SCEL: variants seen among roughly 807,000 people sequenced by gnomAD.
SCEL encodes the protein sciellin.
Under a neutral mutation model 117.6 loss-of-function variants are expected in SCEL, and 113 were observed. That is an observed-to-expected ratio of 0.96 (90% CI 0.83 to 1.12). The LOEUF is 1.12. Among genes scored for constraint, SCEL ranks in the 50% most tolerant of loss-of-function variants. The pLI, the probability that SCEL is intolerant of heterozygous loss-of-function variation, is 0.00. For missense variants in SCEL, 785 were observed against 810.8 expected, an observed-to-expected ratio of 0.97 and a Z score of 0.39; for synonymous variants, 270 against 256.2, an observed-to-expected ratio of 1.05 and a Z score of -0.51.
intron 11 of SCEL, 56 bp from the exon 12 acceptor site, chr13:77,593,458 T>G: frequency 7.5e-7 from 1 of 1,329,154 alleles, no homozygotes; most frequent in Non-Finnish European, 1.1e-6. Context: ...AAATTTTAGC[T>G]CCTTCAAAAA....
intron 24 of SCEL, among the ~76,000 whole-genome samples, chr13:77,616,047 GCTGT>G (rs1473681960): frequency 8.1e-6 from 1 of 123,584 alleles, no homozygotes; most frequent in Non-Finnish European, 1.8e-5. Flanking sequence ...TGTGTGTGTG[GCTGT>G]CTGTAAAAGA....
In SCEL at chr13:77,602,171, C is replaced by CT. The variant is rs761511603; in HGVS notation, c.977+53dup. The CT allele has an allele frequency of 8.6e-5, 128 of 1,485,484 alleles. No homozygotes were observed. In the African/African-American group the frequency reaches 1.6e-3, roughly 19 times the overall value. The allele number at this position is 1,485,484 out of a possible 1,614,324, so 92.0% of individuals were successfully genotyped here. ...ATGGAGCTCTTTTTATTCAGGTTAG[C>CT]TTTTTTACCTCATTAGGAATGGGAG... On this transcript the variant is annotated intron_variant, in intron 16 of 32. Coordinates refer to ENST00000349847, the MANE Select transcript of SCEL (RefSeq NM_144777.3).
In SCEL at chr13:77,618,068, AC is replaced by A; in HGVS notation, c.1628+10del. 1 of 1,603,512 alleles carries A rather than the reference AC, an allele frequency of 6.2e-7. No individual in the cohort carries two copies. Among genetic ancestry groups the A allele is most frequent in the Non-Finnish European group, 8.5e-7 (1 of 1,170,418 alleles). On this transcript the variant is annotated intron_variant, in intron 27 of 32. Transcript: ENST00000349847. ...TCTTAGAAACACTAATCGGTAAATGACCTTGACTATCTTGACATGTTTACAA... is the reference window on the plus strand; with the variant it reads ...TCTTAGAAACACTAATCGGTAAATGACTTGACTATCTTGACATGTTTACAA...
chr13:77,564,145 G>A (rs1456381083), intron 5 of SCEL, among the ~76,000 whole-genome samples: 1 of 149,744 alleles, frequency 6.7e-6, no homozygotes, highest in African/African-American at 2.5e-5. Context: ...ACTGATTTGA[G>A]TACAGCTAGG....
chr13:77,600,408 C>G (rs748463294), intron 15 of SCEL, among the ~76,000 whole-genome samples: 4 of 151,996 alleles, frequency 2.6e-5, no homozygotes, highest in African/African-American at 9.7e-5. Flanking sequence ...GGATTACATG[C>G]ATGAGCCACC....
chr13:77,618,527 T>G (rs1164793984), intron 27 of SCEL, among the ~76,000 whole-genome samples: 1 of 152,118 alleles, frequency 6.6e-6, no homozygotes, highest in Non-Finnish European at 1.5e-5. Flanking sequence ...CCTGCCTTTC[T>G]TTTGAAGGCT....
intron 30 of SCEL, among the ~76,000 whole-genome samples, chr13:77,637,409 A>C (rs1431596679): frequency 1.7e-5 from 1 of 59,574 alleles, no homozygotes; most frequent in African/African-American, 5.1e-5. Flanking sequence ...TACATATATA[A>C]ATAAATATAT....
At chr13:77,596,196 G>A (rs997572494) in intron 12 of SCEL, among the ~76,000 whole-genome samples, 1 of 152,106 alleles carries the variant, frequency 6.6e-6, no homozygotes, top group Non-Finnish European at 1.5e-5. Context: ...AGCTGGGCAT[G>A]GTGGTGCACA....
intron 28 of SCEL, among the ~76,000 whole-genome samples, chr13:77,632,028 G>C (rs751856916): frequency 1.4e-4 from 22 of 152,330 alleles, no homozygotes; most frequent in Non-Finnish European, 2.5e-4. Flanking sequence ...CAGAAGGTAA[G>C]ATATCTCTGG....
Position 77,645,263 on chromosome 13 carries a change from A to C in SCEL, c.*989A>C, listed in dbSNP as rs2090733798. 6.6e-6 allele frequency: 1 copy of C among 152,116 alleles called. No individual in the cohort carries two copies. The highest frequency in any genetic ancestry group is 1.5e-5 in the Non-Finnish European group (1 of 67,960). The allele number at this position is 152,116 out of a possible 1,614,324, so 9.4% of individuals were successfully genotyped here. A position where few individuals can be genotyped will look rare whatever the true frequency, so the allele number is the denominator to read the frequency against. ...TAAAATGAACTATCAGTTACATAGA[A>C]TCTTTATGTGAAGTGTTTGTAAATA... On this transcript the variant is annotated 3_prime_UTR_variant, in exon 33 of 33. Transcript: ENST00000349847.
At chr13:77,572,295 C>T in intron 9 of SCEL, 106 bp downstream of exon 9, 1 of 849,954 alleles carries the variant, frequency 1.2e-6, no homozygotes, top group Non-Finnish European at 1.9e-6. Context: ...TGGAGGCAAT[C>T]TCATGAACTC....
intron 19 of SCEL, among the ~76,000 whole-genome samples, chr13:77,605,021 G>A (rs536212562): frequency 3.1e-4 from 47 of 152,096 alleles, no homozygotes; most frequent in Non-Finnish European, 5.4e-4. Flanking sequence ...TTAACAAAGT[G>A]TGCTTTGTTC....
At chr13:77,546,302 A>G (rs973864582) in intron 1 of SCEL, among the ~76,000 whole-genome samples, 2 of 152,174 alleles carry the variant, frequency 1.3e-5, no homozygotes, top group Non-Finnish European at 2.9e-5. Context: ...TTTGAGTTAC[A>G]TGTAGTATCA....
intron 1 of SCEL, among the ~76,000 whole-genome samples, chr13:77,548,471 G>A (rs975319240): frequency 8.5e-5 from 13 of 152,192 alleles, no homozygotes; most frequent in African/African-American, 3.1e-4. Context: ...GAGCATAAAG[G>A]GAAGCTAAGG....
intron 18 of SCEL, 150 bp downstream of exon 18, chr13:77,603,285 A>G (rs1019766733): frequency 4.5e-6 from 2 of 445,702 alleles, no homozygotes; most frequent in Admixed American, 3.9e-5. Context: ...CTTATCCCCA[A>G]TAAAACCACT....
At chr13:77,621,365 C>G (rs2089407842) in intron 27 of SCEL, among the ~76,000 whole-genome samples, 1 of 152,166 alleles carries the variant, frequency 6.6e-6, no homozygotes, top group African/African-American at 2.4e-5. Context: ...CACACACCCT[C>G]TAACTTGCAT....
intron 1 of SCEL, among the ~76,000 whole-genome samples, chr13:77,541,295 A>G (rs2083688470): frequency 1.3e-5 from 2 of 152,192 alleles, no homozygotes; most frequent in African/African-American, 4.8e-5. Flanking sequence ...AAATGATTCT[A>G]CTTTCACCTA....
In SCEL at chr13:77,638,613, CCAGT is replaced by C. The variant is rs780427502; in HGVS notation, c.1838+1424_1838+1427del. On this transcript the variant is annotated intron_variant, in intron 30 of 32. Transcript: ENST00000349847. ...GCGCAGAAGTCAGTTCTCCATGAGA[CCAGT>C]CAGTTATACAACCTTTTGCTGTTGA... Among the ~76,000 whole-genome samples the C allele has an allele frequency of 3.3e-5, 5 of 152,332 alleles. No individual in the cohort carries two copies. In the East Asian group the frequency reaches 9.6e-4, roughly 29 times the overall value.
intron 9 of SCEL, among the ~76,000 whole-genome samples, chr13:77,579,639 G>A (rs1018019750): frequency 6.6e-6 from 1 of 152,182 alleles, no homozygotes; most frequent in African/African-American, 2.4e-5. Flanking sequence ...TTGAAGGCTG[G>A]CCCTCATCAA....
Sources: gnomAD v4.1 joint callset for allele counts (sites outside exome capture counted in the v4.1 genomes callset) on GRCh38, gnomAD v4.1.1 for gene constraint, MANE v1.5 for transcripts, NCBI Gene and HGNC (gene_info 2026-07-23, HGNC 2026-07-21) for gene names.